ARB2A: variants seen among roughly 807,000 people sequenced by gnomAD.
The protein encoded by ARB2A is cotranscriptional regulator ARB2A.
At chr5:94,090,506 T>A in the ARB2A span, among the ~76,000 whole-genome samples, 1 of 152,212 alleles carries the variant, frequency 6.6e-6, no homozygotes, top group African/African-American at 2.4e-5. Context: ...GCTATTTGAA[T>A]ACCCTTTATT....
chr5:94,104,162 A>AAAAC, the ARB2A span, among the ~76,000 whole-genome samples: 4 of 151,922 alleles, frequency 2.6e-5, no homozygotes, highest in South Asian at 8.3e-4. Context: ...ATCAGAGCTG[A>AAAAC]CTGAACAAAA....
chr5:94,107,354 T>C, the ARB2A span, among the ~76,000 whole-genome samples: 1 of 152,110 alleles, frequency 6.6e-6, no homozygotes, highest in Non-Finnish European at 1.5e-5. Context: ...TCATCTGCAG[T>C]AAATTAATCA....
At chr5:93,704,482 T>C in the ARB2A span, among the ~76,000 whole-genome samples, 5 of 152,310 alleles carry the variant, frequency 3.3e-5, no homozygotes, top group South Asian at 2.1e-4. Context: ...GAGGATCGCT[T>C]GAGCACAGGA....
At chr5:94,018,000 C>T in the ARB2A span, among the ~76,000 whole-genome samples, 2 of 152,148 alleles carry the variant, frequency 1.3e-5, no homozygotes, top group African/African-American at 4.8e-5. Context: ...TTTGCTTCTT[C>T]CTCATTGTTC....
At chr5:93,653,741 T>G in the ARB2A span, among the ~76,000 whole-genome samples, 1 of 152,112 alleles carries the variant, frequency 6.6e-6, no homozygotes, top group Non-Finnish European at 1.5e-5. Flanking sequence ...CTTGATAGTT[T>G]CTGGTTATCT....
chr5:94,087,030 A>C, the ARB2A span, among the ~76,000 whole-genome samples: 1 of 152,236 alleles, frequency 6.6e-6, no homozygotes, highest in Non-Finnish European at 1.5e-5. Flanking sequence ...AAGATCTTCC[A>C]GCGGGACAAG....
the ARB2A span, among the ~76,000 whole-genome samples, chr5:93,819,102 C>T: frequency 7.1e-6 from 1 of 141,124 alleles, no homozygotes; most frequent in East Asian, 2.2e-4. Context: ...AGGAGAATGG[C>T]GTGAACCCGG....
chr5:93,688,542 G>C, the ARB2A span, among the ~76,000 whole-genome samples: 16 of 151,984 alleles, frequency 1.1e-4, no homozygotes, highest in Non-Finnish European at 2.2e-4. Context: ...TGTTTCAAAA[G>C]TTTTCCTTTC....
At chr5:93,629,169 G>A in the ARB2A span, among the ~76,000 whole-genome samples, 2 of 152,216 alleles carry the variant, frequency 1.3e-5, no homozygotes, top group Non-Finnish European at 2.9e-5. Context: ...GGCCTGAGGA[G>A]AGGGTAAGAG....
chr5:93,675,884 A>G, the ARB2A span, among the ~76,000 whole-genome samples: 2 of 152,186 alleles, frequency 1.3e-5, no homozygotes, highest in East Asian at 3.9e-4. Flanking sequence ...AAACTACTTC[A>G]CAGTTAGCTC....
At chr5:93,812,979 G>A in the ARB2A span, among the ~76,000 whole-genome samples, 1 of 152,156 alleles carries the variant, frequency 6.6e-6, no homozygotes, top group Admixed American at 6.6e-5. Context: ...GAAGAGACTA[G>A]AGCTTTCTCT....
At chr5:93,849,335 T>C in the ARB2A span, among the ~76,000 whole-genome samples, 4 of 152,118 alleles carry the variant, frequency 2.6e-5, no homozygotes, top group South Asian at 4.1e-4. Flanking sequence ...AAATACAGAA[T>C]GTAAAAAGAA....
chr5:93,827,243 C>A, the ARB2A span, among the ~76,000 whole-genome samples: 1 of 152,264 alleles, frequency 6.6e-6, no homozygotes, highest in South Asian at 2.1e-4. Context: ...TTCTCCACAT[C>A]CTCTCCAGCA....
the ARB2A span, among the ~76,000 whole-genome samples, chr5:93,707,628 G>A: frequency 1.4e-5 from 2 of 145,262 alleles, no homozygotes; most frequent in Non-Finnish European, 3.0e-5. Flanking sequence ...AGGCTGGAGT[G>A]CAGTGGTGAG....
chr5:93,917,978 G>A, the ARB2A span, among the ~76,000 whole-genome samples: 1 of 152,100 alleles, frequency 6.6e-6, no homozygotes, highest in African/African-American at 2.4e-5. Context: ...TCAAGACTCA[G>A]CCCTCAACCC....
the ARB2A span, among the ~76,000 whole-genome samples, chr5:93,751,403 G>T: frequency 6.6e-6 from 1 of 151,994 alleles, no homozygotes; most frequent in African/African-American, 2.4e-5. Flanking sequence ...AGGTCTCAAA[G>T]AATACTTAGA....
chr5:93,674,193 C>G, the ARB2A span, among the ~76,000 whole-genome samples: 1 of 152,202 alleles, frequency 6.6e-6, no homozygotes, highest in African/African-American at 2.4e-5. Context: ...CTTTCTTTCA[C>G]CTGATCGTAG....
chr5:93,945,630 G>A, the ARB2A span, among the ~76,000 whole-genome samples: 1 of 151,950 alleles, frequency 6.6e-6, no homozygotes, highest in African/African-American at 2.4e-5. Context: ...GAAATGACTG[G>A]AAATATAGAA....
chr5:93,699,549 G>A, the ARB2A span, among the ~76,000 whole-genome samples: 4 of 151,980 alleles, frequency 2.6e-5, no homozygotes, highest in African/African-American at 9.7e-5. Context: ...TCGATAAGTG[G>A]AGAACAATCT....
Sources: gnomAD v4.1 joint callset for allele counts (sites outside exome capture counted in the v4.1 genomes callset) on GRCh38, gnomAD v4.1.1 for gene constraint, MANE v1.5 for transcripts, NCBI Gene and HGNC (gene_info 2026-07-23, HGNC 2026-07-21) for gene names.